The following LPIN2 variants were observed in gnomAD, a reference collection of about 807,000 sequenced individuals.
The protein encoded by LPIN2 is phosphatidate phosphatase LPIN2.
Under a neutral mutation model 111.4 loss-of-function variants are expected in LPIN2, and 55 were observed. That is an observed-to-expected ratio of 0.49 (90% CI 0.40 to 0.62). The LOEUF (loss-of-function observed/expected upper bound fraction) is 0.62, where lower values mean the gene tolerates loss of function less well. LPIN2 is among the 20% of genes least tolerant of loss of function. The pLI, the probability that LPIN2 is intolerant of heterozygous loss-of-function variation, is 0.00. For synonymous variants in LPIN2, 425 were observed against 414.0 expected, an observed-to-expected ratio of 1.03 and a Z score of -0.32; for missense variants, 992 against 1,112.1, an observed-to-expected ratio of 0.89 and a Z score of 1.54.
Position 2,922,104 on chromosome 18 carries a change from A to G in LPIN2, c.2270T>C (p.Ile757Thr), listed in dbSNP as rs1160257059. The G allele has an allele frequency of 6.2e-7, 1 of 1,614,050 alleles. No individual in the cohort carries two copies. Among genetic ancestry groups the G allele is most frequent in the Non-Finnish European group, 8.5e-7 (1 of 1,180,006 alleles). ...CAGCATCAGGGGGCCCCGGGGCAAG[A>G]TTGTGCCCTTGTCATTGACCCAGTG... Reference protein sequence around the residue: ...YLHWVNDKGTILPRGPLMLSP... With the variant: ...YLHWVNDKGTTLPRGPLMLSP... The change falls in exon 17 of 20, where the codon ATC (isoleucine) becomes ACC (threonine). Residue 757 changes from isoleucine to threonine, a missense_variant. Coordinates refer to ENST00000677752, the MANE Select transcript of LPIN2 (RefSeq NM_001375808.2).
rs111994900 is a variant in LPIN2 at position 2,947,444 on chromosome 18, G to A, written c.590+3611C>T. ...AGCCCAACGCCCATCTTTAGGAAGG[G>A]AGGGAGACTTACTAGGTACAGTTTT... On this transcript the variant is annotated intron_variant, in intron 4 of 19. Coordinates refer to ENST00000677752, the MANE Select transcript of LPIN2 (RefSeq NM_001375808.2). Among the ~76,000 whole-genome samples, 466 of 152,272 alleles carry A rather than the reference G, an allele frequency of 3.1e-3. 3 individuals are homozygous for A. The highest frequency in any genetic ancestry group is 5.2e-3 in the Non-Finnish European group (355 of 68,008).
At chr18:2,921,945 G>T in intron 17 of LPIN2, 102 bp downstream of exon 17, 1 of 1,435,680 alleles carries the variant, frequency 7.0e-7, no homozygotes, top group Non-Finnish European at 9.3e-7. Flanking sequence ...AGGCGTGGCG[G>T]CTCCAACATC....
Position 2,920,246 on chromosome 18 carries a change from G to A in LPIN2, c.*47C>T, listed in dbSNP as rs1005068343. 3.1e-6 allele frequency: 5 copies of A among 1,612,162 alleles called. No homozygotes were observed. The East Asian group carries it at 6.7e-5, about 22-fold the overall frequency. ...GCAGAAGAGCCAGCTGCCTTCCCTT[G>A]CTGTGGGGAGGGGGACCAAGCCCTG... On this transcript the variant is annotated 3_prime_UTR_variant, in exon 20 of 20. Coordinates refer to ENST00000677752, the MANE Select transcript of LPIN2 (RefSeq NM_001375808.2).
At chr18:2,975,899 A>AT (rs2078005724) in intron 1 of LPIN2, among the ~76,000 whole-genome samples, 1 of 152,110 alleles carries the variant, frequency 6.6e-6, no homozygotes, top group South Asian at 2.1e-4. Flanking sequence ...GTGGGATACA[A>AT]TTTTTTTGAA....
chr18:2,997,076 G>T (rs1392478394), intron 1 of LPIN2, among the ~76,000 whole-genome samples: 1 of 151,682 alleles, frequency 6.6e-6, no homozygotes, highest in Non-Finnish European at 1.5e-5. Context: ...CCACCTCCCG[G>T]ATTCAAGCAA....
chr18:2,961,076 C>A (rs1489375653), intron 1 of LPIN2, among the ~76,000 whole-genome samples: 1 of 152,146 alleles, frequency 6.6e-6, no homozygotes, highest in Non-Finnish European at 1.5e-5. Context: ...GCTGCTCCAG[C>A]CAGGGCCTGA....
At chr18:2,953,544 T>C (rs1183137464) in intron 3 of LPIN2, among the ~76,000 whole-genome samples, 1 of 152,234 alleles carries the variant, frequency 6.6e-6, no homozygotes, top group Non-Finnish European at 1.5e-5. Context: ...TCAATGCTGC[T>C]TTACCTACTG....
chr18:2,939,408 A>C, intron 6 of LPIN2, 72 bp downstream of exon 6: 1 of 1,588,270 alleles, frequency 6.3e-7, no homozygotes, highest in Non-Finnish European at 8.6e-7. Context: ...TGCCTCCTTT[A>C]CTTATGGGCA....
rs377742433 is a variant in LPIN2, at chr18:2,981,177, AAAGGATGTGATTTGT to A, written c.-9-20343_-9-20329del. On this transcript the variant is annotated intron_variant, in intron 1 of 19. Transcript: ENST00000677752. ...GTCACCTTACAAAAGGGGTGCCCAG[AAAGGATGTGATTTGT>A]AAGGAGTGTTCAGGTCACAGAAGGC... Among the ~76,000 whole-genome samples, 270 of 152,312 alleles carry A rather than the reference AAAGGATGTGATTTGT, an allele frequency of 1.8e-3. 1 individual carries two copies. The highest frequency in any genetic ancestry group is 6.2e-3 in the African/African-American group (256 of 41,568).
intron 2 of LPIN2, among the ~76,000 whole-genome samples, chr18:2,958,509 T>C (rs2143181104): frequency 6.6e-6 from 1 of 152,322 alleles, no homozygotes; most frequent in South Asian, 2.1e-4. Context: ...AAATAGTTAA[T>C]GCAAATTGCC....
At chr18:2,961,763 A>G (rs2143210943) in intron 1 of LPIN2, among the ~76,000 whole-genome samples, 1 of 152,210 alleles carries the variant, frequency 6.6e-6, no homozygotes, top group African/African-American at 2.4e-5. Flanking sequence ...TTAGATGCTG[A>G]CACCCCTAAT....
At chr18:2,935,806 A>G (rs2077277951) in intron 7 of LPIN2, among the ~76,000 whole-genome samples, 1 of 152,136 alleles carries the variant, frequency 6.6e-6, no homozygotes, top group South Asian at 2.1e-4. Flanking sequence ...AGATGTAGGG[A>G]GAGAGGGGTT....
At chr18:2,949,869 C>T (rs181836853) in intron 4 of LPIN2, among the ~76,000 whole-genome samples, 5 of 152,034 alleles carry the variant, frequency 3.3e-5, no homozygotes, top group East Asian at 3.9e-4. Flanking sequence ...GAGGCTGAGG[C>T]GGGAGAGTTG....
intron 6 of LPIN2, 28 bp downstream of exon 6, chr18:2,939,452 C>G: frequency 6.2e-7 from 1 of 1,612,626 alleles, no homozygotes; most frequent in Non-Finnish European, 8.5e-7. Flanking sequence ...CATTAACACA[C>G]TTTCCACAGG....
At chr18:3,007,365 G>C (rs1338823367) in intron 1 of LPIN2, among the ~76,000 whole-genome samples, 2 of 152,120 alleles carry the variant, frequency 1.3e-5, no homozygotes, top group African/African-American at 2.4e-5. Flanking sequence ...TAGAGACGGG[G>C]TTTCACTGTG....
chr18:2,917,410 A>T lies in LPIN2; in HGVS notation c.*2883T>A, dbSNP rs1404047406. 6.6e-6 allele frequency: 1 copy of T among 152,260 alleles called. No homozygotes were observed. The highest frequency in any genetic ancestry group is 1.9e-4 in the East Asian group (1 of 5,172). 9.4% of individuals were successfully genotyped at this position (152,260 alleles called of 1,614,324 possible). A position where few individuals can be genotyped will look rare whatever the true frequency, so the allele number is the denominator to read the frequency against. On this transcript the variant is annotated 3_prime_UTR_variant, in exon 20 of 20. Transcript: ENST00000677752. ...CAACTTGTAAAAAGTGAAAGAGCTGACTTCCTTGTTTATTCTTTAAAGGGT... is the reference window on the plus strand; with the variant it reads ...CAACTTGTAAAAAGTGAAAGAGCTGTCTTCCTTGTTTATTCTTTAAAGGGT...
intron 16 of LPIN2, among the ~76,000 whole-genome samples, chr18:2,923,278 G>A (rs1354600366): frequency 6.6e-6 from 1 of 151,790 alleles, no homozygotes; most frequent in Non-Finnish European, 1.5e-5. Context: ...AAATTAGCTG[G>A]GCATGGTGGC....
At chr18:2,972,995 T>C in intron 1 of LPIN2, among the ~76,000 whole-genome samples, 1 of 152,206 alleles carries the variant, frequency 6.6e-6, no homozygotes, top group East Asian at 1.9e-4. Flanking sequence ...AGTAAAATCA[T>C]TAAGAACTGT....
chr18:2,946,575 G>C, intron 4 of LPIN2: 1 of 1,095,608 alleles, frequency 9.1e-7, no homozygotes, highest in African/African-American at 1.5e-5. Context: ...CAAACACCGG[G>C]AACAGCAAGA....
Sources: gnomAD v4.1 joint callset for allele counts (sites outside exome capture counted in the v4.1 genomes callset) on GRCh38, gnomAD v4.1.1 for gene constraint, MANE v1.5 for transcripts, NCBI Gene and HGNC (gene_info 2026-07-23, HGNC 2026-07-21) for gene names.